Variants in ABCA2 observed in about 807,000 individuals in gnomAD.
ABCA2 encodes ATP binding cassette subfamily A member 2.
A neutral mutation model predicts 262.8 loss-of-function variants in ABCA2; 84 were observed. The ratio of observed to expected loss-of-function variants is 0.32; its 90% CI spans 0.27 to 0.38. The LOEUF is 0.38. Ranked by LOEUF, ABCA2 falls within the 10% of genes least tolerant of loss-of-function variation. The probability of loss-of-function intolerance (pLI) is 1.00; values close to 1 mark genes in which losing one functional copy is unlikely to be tolerated. For synonymous variants in ABCA2, 1,696 were observed against 1,502.9 expected, an observed-to-expected ratio of 1.13 and a Z score of -2.97; for missense variants, 2,662 against 3,405.9, an observed-to-expected ratio of 0.78 and a Z score of 5.44.
chr9:137,019,230 C>T lies in ABCA2; in HGVS notation c.1502G>A (p.Arg501His), dbSNP rs763695096. Residue 501 changes from arginine (R) to histidine (H), a missense_variant, in exon 11 of 49, where the codon CGC (arginine) becomes CAC (histidine). Arg to His is a conservative substitution (Grantham distance 29). Transcript: ENST00000341511. This position sits in a 1 kb window ranked among gnomAD's most constrained non-coding sequence, Gnocchi z 4.4. ...QVWLNISAEI[R>H]SFLEQGRLQQ... is the part of the protein sequence containing the mutation. ...CAGCCTGCCCTGCTCCAGGAAGCTG[C>T]GGATCTCCGCCGAGATGTTGAGCCA... 2.5e-5 allele frequency: 40 copies of T among 1,612,552 alleles called. No homozygotes were observed. The highest frequency in any genetic ancestry group is 1.2e-4 in the African/African-American group (9 of 74,918).
chr9:137,024,797 C>CTTTTTT (rs869249419), intron 1 of ABCA2, among the ~76,000 whole-genome samples: 14 of 139,624 alleles, frequency 1.0e-4, no homozygotes, highest in Non-Finnish European at 1.6e-4. Context: ...GCAAAGGCAC[C>CTTTTTT]TTTTTTTTTT....
upstream of ABCA2, chr9:137,028,395 C>G (rs1490179666): frequency 5.5e-6 from 3 of 546,014 alleles, no homozygotes; most frequent in East Asian, 1.5e-4. The surrounding 1 kb of genome is among the most constrained non-coding windows in gnomAD (Gnocchi z 6.9). Flanking sequence ...GCGCCGCGCC[C>G]GGGACCGACC....
Position 137,020,874 on chromosome 9 carries a change from C to T in ABCA2, c.1085G>A (p.Ser362Asn). ...CTGRTPGPPA[S>N]GAGGAANGTG... is the part of the protein sequence containing the mutation. ...GCCATTGGCCGCCCCACCCGCACCA[C>T]TGGCTGGGGGTCCGGGGGTCCGGCC... The change falls in exon 9 of 49, where the codon AGT becomes AAT. Residue 362 changes from serine to asparagine, a missense_variant. Transcript: ENST00000341511. The T allele has an allele frequency of 6.5e-7, 1 of 1,547,786 alleles. No individual in the cohort carries two copies. The highest frequency in any genetic ancestry group is 8.7e-7 in the Non-Finnish European group (1 of 1,145,052).
intron 24 of ABCA2, 55 bp from the exon 25 acceptor site, chr9:137,015,152 C>T: frequency 6.6e-7 from 1 of 1,517,176 alleles, no homozygotes; most frequent in Non-Finnish European, 8.8e-7. Flanking sequence ...GAGGAGGGAC[C>T]CCCAATGGGA....
Position 137,011,527 on chromosome 9 carries a change from C to A in ABCA2, c.5679G>T (p.Pro1893=). Residue 1893 remains proline, a synonymous_variant, in exon 37 of 49, where the codon CCG becomes CCT. Transcript: ENST00000341511. The surrounding 1 kb of genome is among the most constrained non-coding windows in gnomAD (Gnocchi z 8.8). ...YGWSITPIMY[P]ASFWFEVPSS... is the part of the protein sequence containing the mutation. ...TGGGGACCTCGAACCAGAAGGAGGC[C>A]GGGTACATGATGGGCGTGATGGACC... The A allele has an allele frequency of 6.3e-7, 1 of 1,590,626 alleles. No homozygotes were observed. Among genetic ancestry groups the A allele is most frequent in the East Asian group, 2.3e-5 (1 of 43,798 alleles).
At position 137,021,026 on chromosome 9, in the gene ABCA2, C is replaced by A. The variant is rs774683582; in HGVS notation, c.933G>T (p.Ser311=). 12 of 1,484,060 alleles carry A rather than the reference C, an allele frequency of 8.1e-6. No homozygotes were observed. The highest frequency in any genetic ancestry group is 2.5e-5 in the East Asian group (1 of 40,766). 91.9% of individuals were successfully genotyped at this position (1,484,060 alleles called of 1,614,324 possible). A position where few individuals can be genotyped will look rare whatever the true frequency, so the allele number is the denominator to read the frequency against. The stretch of plus-strand genomic sequence containing the variant: ...GCCTCCGTGGGGGTGGCGCCTGTGG[C>A]GAGGAGTCCGAGCCGTTGGGGGCAT... ...GLDAPNGSDS[S]PQAPPPRRLQ... is the part of the protein sequence containing the mutation. The change falls in exon 9 of 49, where the codon TCG becomes TCT. Residue 311 remains serine (S), a synonymous_variant. Transcript: ENST00000341511. This position sits in a 1 kb window ranked among gnomAD's most constrained non-coding sequence, Gnocchi z 6.0.
In ABCA2 at chr9:137,011,698, C is replaced by T. The variant is rs1291333066; in HGVS notation, c.5587G>A (p.Asp1863Asn). 2.6e-6 allele frequency: 4 copies of T among 1,553,866 alleles called. No individual in the cohort carries two copies. Among genetic ancestry groups the T allele is most frequent in the Non-Finnish European group, 2.6e-6 (3 of 1,149,420 alleles). Residue 1863 changes from aspartate (D) to asparagine (N), a missense_variant, in exon 36 of 49, where the codon GAC (aspartate) becomes AAC (asparagine). Coordinates refer to ENST00000341511, the MANE Select transcript of ABCA2 (RefSeq NM_001606.5). The surrounding 1 kb of genome is among the most constrained non-coding windows in gnomAD (Gnocchi z 8.8). ...TCCVIILFVF[D>N]LPAYTSPTNF... ...GTGGGCGACGTGTAGGCCGGCAGGT[C>T]GAACACAAACAGGATGATGACACAG...
chr9:137,021,287 C>T lies in ABCA2; in HGVS notation c.897+105G>A, dbSNP rs1464280449. On this transcript the variant is annotated intron_variant, in intron 8 of 48. Coordinates refer to ENST00000341511, the MANE Select transcript of ABCA2 (RefSeq NM_001606.5). The surrounding 1 kb of genome is among the most constrained non-coding windows in gnomAD (Gnocchi z 6.0). Reference sequence around the variant, plus strand: ...ATACCCACCCACAGGCAGCATCCCACGCACAGCCTGGGCCCAGGAGCCCTG... The same window carrying T: ...ATACCCACCCACAGGCAGCATCCCATGCACAGCCTGGGCCCAGGAGCCCTG... The T allele has an allele frequency of 6.3e-6, 9 of 1,418,604 alleles. No homozygotes were observed. Among genetic ancestry groups the T allele is most frequent in the Admixed American group, 4.1e-5 (2 of 49,116 alleles). 87.9% of individuals were successfully genotyped at this position (1,418,604 alleles called of 1,614,324 possible).
intron 14 of ABCA2, 36 bp from the exon 15 acceptor site, chr9:137,018,111 C>A: frequency 6.2e-7 from 1 of 1,609,672 alleles, no homozygotes; most frequent in Non-Finnish European, 8.5e-7. Context: ...GCCGGGCAGG[C>A]CCTCTCGTCC....
Position 137,015,481 on chromosome 9 carries a change from C to T in ABCA2, c.3630G>A (p.Lys1210=). Residue 1210 remains lysine, a synonymous_variant, in exon 24 of 49, where the codon AAG becomes AAA. Transcript: ENST00000341511. The part of the protein sequence containing the change: ...LKCCGSPLFL[K]GTYGDGYRLT... ...GGCGGTACCCGTCGCCATAGGTGCC[C>T]TTGAGGAAGAGCGGGGAGCCGCAGC... 4 of 1,608,160 alleles carry T rather than the reference C, an allele frequency of 2.5e-6. No homozygotes were observed. Among genetic ancestry groups the T allele is most frequent in the Non-Finnish European group, 3.4e-6 (4 of 1,177,968 alleles).
rs770992667 is a variant in ABCA2 at position 137,015,592 on chromosome 9, G to A, written c.3519C>T (p.Arg1173=). Residue 1173 remains arginine (R), a synonymous_variant, in exon 24 of 49, where the codon CGC becomes CGT. Transcript: ENST00000341511. The part of the protein sequence containing the change: ...WDLILKYKPG[R]TILLSTHHMD... Reference sequence around the variant, plus strand: ...TGTGGTGGGTGGACAGAAGGATGGTGCGGCCTAGGACAAGGCCAGACCCAG... The same window carrying A: ...TGTGGTGGGTGGACAGAAGGATGGTACGGCCTAGGACAAGGCCAGACCCAG... 4.3e-6 allele frequency: 7 copies of A among 1,612,428 alleles called. No homozygotes were observed. The highest frequency in any genetic ancestry group is 1.1e-5 in the South Asian group (1 of 91,082).
Position 137,020,897 on chromosome 9 carries a change from G to A in ABCA2, c.1062C>T (p.Gly354=). 3 of 1,556,444 alleles carry A rather than the reference G, an allele frequency of 1.9e-6. No homozygotes were observed. In the South Asian group the frequency reaches 3.5e-5, roughly 18 times the overall value. ...CACTGGCTGGGGGTCCGGGGGTCCG[G>A]CCAGTGCAGGCACCCTGGGGCAGTA... The part of the protein sequence containing the change: ...ALLLPQGACT[G]RTPGPPASGA... Residue 354 remains glycine (G), a synonymous_variant, in exon 9 of 49, where the codon GGC becomes GGT. Coordinates refer to ENST00000341511, the MANE Select transcript of ABCA2 (RefSeq NM_001606.5).
At position 137,017,725 on chromosome 9, in the gene ABCA2, C is replaced by T. The variant is rs369674855; in HGVS notation, c.2212-33G>A. 1.4e-3 allele frequency: 2,306 copies of T among 1,609,024 alleles called. 17 individuals are homozygous for T. The highest frequency in any genetic ancestry group is 8.3e-3 in the South Asian group (754 of 90,984). ...TGGGCCAGGGGCTTGGGGCAGGCCCCGGGGAGGACGCCGCCCCTCCCTGCC... is the reference window on the plus strand; with the variant it reads ...TGGGCCAGGGGCTTGGGGCAGGCCCTGGGGAGGACGCCGCCCCTCCCTGCC... On this transcript the variant is annotated intron_variant, in intron 16 of 48. Coordinates refer to ENST00000341511, the MANE Select transcript of ABCA2 (RefSeq NM_001606.5).
In ABCA2 at chr9:137,016,910, TG is replaced by T; in HGVS notation, c.2758+9del. Reference sequence around the variant, plus strand: ...TGCCTCTCCCCTGCCCTCCAAGGGCTGGCCAGTACCTGGGTGCACAGCCTCA... The same window carrying T: ...TGCCTCTCCCCTGCCCTCCAAGGGCTGCCAGTACCTGGGTGCACAGCCTCA... On this transcript the variant is annotated intron_variant, in intron 19 of 48. Coordinates refer to ENST00000341511, the MANE Select transcript of ABCA2 (RefSeq NM_001606.5). 6.2e-7 allele frequency: 1 copy of T among 1,611,150 alleles called. No homozygotes were observed. Among genetic ancestry groups the T allele is most frequent in the East Asian group, 2.2e-5 (1 of 44,840 alleles).
In ABCA2 at chr9:137,024,153, G is replaced by A. The variant is rs776147547; in HGVS notation, c.150C>T (p.Ser50=). Residue 50 remains serine (S), a synonymous_variant, in exon 2 of 49, where the codon TCC becomes TCT. Transcript: ENST00000341511. ...LGLRQKKPTI[S]VKEVSFYTAA... is the part of the protein sequence containing the mutation. Reference sequence around the variant, plus strand: ...TCCTGCCGCACTCACCTTCCTTCACGGAGATGGTGGGCTTCTTCTGTCGCA... The same window carrying A: ...TCCTGCCGCACTCACCTTCCTTCACAGAGATGGTGGGCTTCTTCTGTCGCA... 19 of 1,609,958 alleles carry A rather than the reference G, an allele frequency of 1.2e-5. No individual in the cohort carries two copies. The highest frequency in any genetic ancestry group is 1.1e-4 in the East Asian group (5 of 44,800).
rs1184122387 is a variant in ABCA2, at chr9:137,021,940, C to A, written c.629G>T (p.Gly210Val). The A allele has an allele frequency of 6.2e-7, 1 of 1,606,070 alleles. No individual in the cohort carries two copies. The highest frequency in any genetic ancestry group is 1.1e-5 in the South Asian group (1 of 89,546). The change falls in exon 7 of 49, where the codon GGT becomes GTT. Residue 210 changes from glycine (G) to valine (V), a missense_variant. Physicochemically the swap from Gly to Val is moderately radical, Grantham distance 109. Transcript: ENST00000341511. The surrounding 1 kb of genome is among the most constrained non-coding windows in gnomAD (Gnocchi z 6.0). ...ALDSQSGLHK[G>V]QEPWSRLGGN... ...CCCTAGGCGGCTCCAGGGCTCCTGA[C>A]CCTTGTGGAGGCCAGACTGTGAATC...
chr9:137,014,030 C>T lies in ABCA2; in HGVS notation c.4249G>A (p.Ala1417Thr). 6.2e-7 allele frequency: 1 copy of T among 1,610,826 alleles called. No individual in the cohort carries two copies. Among genetic ancestry groups the T allele is most frequent in the Non-Finnish European group, 8.5e-7 (1 of 1,179,790 alleles). Reference sequence around the variant, plus strand: ...TGGCCGACCCTCGACAGGGCCTCTGCCTCCACCTCTGTGCAGAGAGGTAGA... The same window carrying T: ...TGGCCGACCCTCGACAGGGCCTCTGTCTCCACCTCTGTGCAGAGAGGTAGA... ...PDNVSLQEVE[A>T]EALSRVGQGS... Residue 1417 changes from alanine (A) to threonine (T), a missense_variant, in exon 28 of 49, where the codon GCA becomes ACA. Ala to Thr is a moderately conservative substitution (Grantham distance 58). Transcript: ENST00000341511.
chr9:137,014,629 G>A lies in ABCA2; in HGVS notation c.4003+61C>T, dbSNP rs184798447. 241 of 1,562,188 alleles carry A rather than the reference G, an allele frequency of 1.5e-4. No homozygotes were observed. In the African/African-American group the frequency reaches 2.4e-3, roughly 15 times the overall value. ...CCAGACACCAGGCAGGAGTGACAGC[G>A]CAGGCCCGAGCTGGGGCCTTGTGGG... On this transcript the variant is annotated intron_variant, in intron 26 of 48. Coordinates refer to ENST00000341511, the MANE Select transcript of ABCA2 (RefSeq NM_001606.5).
upstream of ABCA2, chr9:137,028,858 C>A: frequency 7.5e-7 from 1 of 1,325,326 alleles, no homozygotes; most frequent in Non-Finnish European, 1.0e-6. This position sits in a 1 kb window ranked among gnomAD's most constrained non-coding sequence, Gnocchi z 6.9. Flanking sequence ...GCACGCGGCT[C>A]GTTTTTCTCC....
Sources: gnomAD v4.1 joint callset for allele counts (sites outside exome capture counted in the v4.1 genomes callset) on GRCh38, gnomAD v4.1.1 for gene constraint, Gnocchi (gnomAD v3.1) non-coding constraint, MANE v1.5 for transcripts, NCBI Gene and HGNC (gene_info 2026-07-23, HGNC 2026-07-21) for gene names.